The following ERBB2 variants were observed in gnomAD, a reference collection of about 807,000 sequenced individuals.
ERBB2 encodes receptor tyrosine-protein kinase erbB-2.
Under a neutral mutation model 149.0 loss-of-function variants are expected in ERBB2, and 61 were observed. That is an observed-to-expected ratio of 0.41 (90% confidence interval 0.33 to 0.51). The LOEUF (loss-of-function observed/expected upper bound fraction) is 0.51. ERBB2 is among the 20% of genes least tolerant of loss of function. The pLI, the probability that ERBB2 is intolerant of heterozygous loss-of-function variation, is 0.25. For missense variants in ERBB2, 1,205 were observed against 1,655.1 expected, an observed-to-expected ratio of 0.73 and a Z score of 4.72; for synonymous variants, 633 against 678.8, an observed-to-expected ratio of 0.93 and a Z score of 1.05.
chr17:39,694,484 A>G (rs952428610), upstream of ERBB2, among the ~76,000 whole-genome samples: 5 of 151,536 alleles, frequency 3.3e-5, no homozygotes, highest in African/African-American at 9.7e-5. Context: ...ATAGAGACTC[A>G]GACTAGCTGG....
upstream of ERBB2, among the ~76,000 whole-genome samples, chr17:39,696,331 G>A (rs2057863405): frequency 1.3e-5 from 2 of 152,068 alleles, no homozygotes; most frequent in Non-Finnish European, 2.9e-5. Flanking sequence ...CCCCACTCCA[G>A]CCCCCTCTCC....
upstream of ERBB2, among the ~76,000 whole-genome samples, chr17:39,696,242 C>T (rs1174640576): frequency 2.6e-5 from 4 of 152,088 alleles, no homozygotes; most frequent in Non-Finnish European, 5.9e-5. Flanking sequence ...TCTGAATGGG[C>T]TCATTCTTTT....
chr17:39,691,574 T>TATATATATATAC (rs1244087250), upstream of ERBB2, among the ~76,000 whole-genome samples: 2 of 122,048 alleles, frequency 1.6e-5, no homozygotes, highest in Admixed American at 8.2e-5. Flanking sequence ...TATATATATA[T>TATATATATATAC]ACACACACAC....
chr17:39,724,554 G>C (rs2059641344), intron 19 of ERBB2, among the ~76,000 whole-genome samples, 172 bp from the exon 20 acceptor site: 1 of 151,820 alleles, frequency 6.6e-6, no homozygotes, highest in African/African-American at 2.4e-5. Flanking sequence ...CACCGTGCCC[G>C]GCCTAATCTT....
chr17:39,725,582 C>A lies in ERBB2; in HGVS notation c.2726-125C>A. ...GGATTAGGGAAAGACCGGGTAGGGT[C>A]TGTCTCCTGGCATCACATCTCCCCC... On this transcript the variant is annotated intron_variant, in intron 22 of 26. Coordinates refer to ENST00000269571, the MANE Select transcript of ERBB2 (RefSeq NM_004448.4). The surrounding 1 kb of genome is among the most constrained non-coding windows in gnomAD (Gnocchi z 4.6). 1 of 1,253,986 alleles carries A rather than the reference C, an allele frequency of 8.0e-7. No individual in the cohort carries two copies. The highest frequency in any genetic ancestry group is 1.4e-5 in the South Asian group (1 of 70,612). The allele number at this position is 1,253,986 out of a possible 1,614,324, so 77.7% of individuals were successfully genotyped here.
At chr17:39,720,673 C>T (rs529328202) in intron 16 of ERBB2, among the ~76,000 whole-genome samples, 1 of 152,174 alleles carries the variant, frequency 6.6e-6, no homozygotes, top group African/African-American at 2.4e-5. Flanking sequence ...TTTTTTGAGA[C>T]GGAGTCTCAC....
At position 39,726,687 on chromosome 17, in the gene ERBB2, C is replaced by T. The variant is rs2059785243; in HGVS notation, c.2970+28C>T. The T allele has an allele frequency of 6.2e-7, 1 of 1,606,754 alleles. No homozygotes were observed. The highest frequency in any genetic ancestry group is 8.5e-7 in the Non-Finnish European group (1 of 1,173,226). On this transcript the variant is annotated intron_variant, in intron 24 of 26. Transcript: ENST00000269571. This position sits in a 1 kb window ranked among gnomAD's most constrained non-coding sequence, Gnocchi z 5.1. ...ACTGGGCCTCTGTGCCCCATCCCTG[C>T]CTGTGGCTAAGAGCACCCTCCTGCA...
At position 39,725,657 on chromosome 17, in the gene ERBB2, C is replaced by T. The variant is rs1238575435; in HGVS notation, c.2726-50C>T. The T allele has an allele frequency of 4.5e-6, 7 of 1,564,036 alleles. No individual in the cohort carries two copies. The highest frequency in any genetic ancestry group is 6.1e-6 in the Non-Finnish European group (7 of 1,153,778). The stretch of plus-strand genomic sequence containing the variant: ...CCTGAGCAGAACCTCTGGCTCAGTA[C>T]ACTAAAGCTCCCTCTGGCCCTCCCA... On this transcript the variant is annotated intron_variant, in intron 22 of 26. Coordinates refer to ENST00000269571, the MANE Select transcript of ERBB2 (RefSeq NM_004448.4). The surrounding 1 kb of genome is among the most constrained non-coding windows in gnomAD (Gnocchi z 4.6).
intron 19 of ERBB2, 50 bp from the exon 20 acceptor site, chr17:39,724,676 T>G (rs1199811834): frequency 1.3e-6 from 2 of 1,542,360 alleles, no homozygotes; most frequent in South Asian, 1.1e-5. Context: ...CTGTGTGGTG[T>G]TTGGGGGTGT....
In ERBB2 at chr17:39,710,113, G is replaced by A. The variant is rs2145502752; in HGVS notation, c.671G>A (p.Cys224Tyr). 6.2e-7 allele frequency: 1 copy of A among 1,609,896 alleles called. No individual in the cohort carries two copies. The highest frequency in any genetic ancestry group is 8.5e-7 in the Non-Finnish European group (1 of 1,179,384). The change falls in exon 6 of 27, where the codon TGT becomes TAT. Residue 224 changes from cysteine to tyrosine, a missense_variant. Around this residue, in one of 6 missense-constraint regions of ERBB2, gnomAD observed 569 missense variants for 803.5 expected, o/e 0.71. Transcript: ENST00000269571. ...SLTRTVCAGGCARCKGPLPTD... is the reference protein window; with the variant it reads ...SLTRTVCAGGYARCKGPLPTD... ...ACGCGCACTGTCTGTGCCGGTGGCT[G>A]TGCCCGCTGCAAGGGGCCACTGCCC...
chr17:39,724,272 A>ATTTTTTTTTTTTTTTTT lies in ERBB2; in HGVS notation c.2307+278_2307+279insTTTTTTTTTTTTTTTTT, dbSNP rs71149796. Among the ~76,000 whole-genome samples, 303 of 76,954 alleles carry ATTTTTTTTTTTTTTTTT rather than the reference A, an allele frequency of 3.9e-3. 51 individuals are homozygous for ATTTTTTTTTTTTTTTTT. The highest frequency in any genetic ancestry group is 0.011 in the African/African-American group (245 of 21,906). 50.5% of individuals were successfully genotyped at this position (76,954 alleles called of 152,430 possible). Reference sequence around the variant, plus strand: ...TAGCTGGGATTACAAGCGCCCGCTAATTTTTTTTTTTTTTTTGAGACAGAG... The same window carrying ATTTTTTTTTTTTTTTTT: ...TAGCTGGGATTACAAGCGCCCGCTAATTTTTTTTTTTTTTTTTTTTTTTTTTTTTTTTTGAGACAGAG... On this transcript the variant is annotated intron_variant, in intron 19 of 26. Coordinates refer to ENST00000269571, the MANE Select transcript of ERBB2 (RefSeq NM_004448.4).
chr17:39,689,830 A>G (rs2057652637), intron 2 of ERBB2, among the ~76,000 whole-genome samples: 1 of 151,226 alleles, frequency 6.6e-6, no homozygotes, highest in Non-Finnish European at 1.5e-5. Flanking sequence ...GCTTGAACCC[A>G]GGGAGGCAGA....
upstream of ERBB2, among the ~76,000 whole-genome samples, chr17:39,691,904 T>TAGATATAGATACATATAC (rs1386573320): frequency 1.8e-4 from 21 of 114,546 alleles, 1 homozygote; most frequent in African/African-American, 6.8e-4. Flanking sequence ...GATATAGATA[T>TAGATATAGATACATATAC]ATATACATAT....
In ERBB2 at chr17:39,710,441, C is replaced by T. The variant is rs1369877307; in HGVS notation, c.861C>T (p.Gly287=). The change falls in exon 7 of 27, where the codon GGC becomes GGT. Residue 287 remains glycine, a synonymous_variant. Transcript: ENST00000269571. The part of the protein sequence containing the change: ...DTFESMPNPE[G]RYTFGASCVT... Reference sequence around the variant, plus strand: ...TTGAGTCCATGCCCAATCCCGAGGGCCGGTATACATTCGGCGCCAGCTGTG... The same window carrying T: ...TTGAGTCCATGCCCAATCCCGAGGGTCGGTATACATTCGGCGCCAGCTGTG... 2.5e-6 allele frequency: 4 copies of T among 1,614,060 alleles called. No individual in the cohort carries two copies. Among genetic ancestry groups the T allele is most frequent in the Non-Finnish European group, 3.4e-6 (4 of 1,180,046 alleles).
chr17:39,724,963 C>G (rs2145857335), intron 20 of ERBB2, 52 bp downstream of exon 20: 1 of 1,606,530 alleles, frequency 6.2e-7, no homozygotes, highest in East Asian at 2.2e-5. Flanking sequence ...CCTATGTCCA[C>G]AAGGGGCTAG....
chr17:39,698,045 C>T (rs2057906845), upstream of ERBB2, among the ~76,000 whole-genome samples: 2 of 152,076 alleles, frequency 1.3e-5, no homozygotes, highest in South Asian at 4.1e-4. Context: ...AGCTTCAGGC[C>T]CCACAAAACC....
chr17:39,715,910 A>C lies in ERBB2; in HGVS notation c.1484A>C (p.His495Pro), dbSNP rs879357054. ...LFRNPHQALL[H>P]TANRPEDECV... ...CGGAACCCGCACCAAGCTCTGCTCC[A>C]CACTGCCAACCGGCCAGAGGACGAG... Residue 495 changes from histidine (H) to proline (P), a missense_variant, in exon 12 of 27, where the codon CAC (histidine) becomes CCC (proline). This residue lies in a region of ERBB2 where 569 missense variants were observed against 803.5 expected (regional missense o/e 0.71). Transcript: ENST00000269571. The C allele has an allele frequency of 1.9e-6, 3 of 1,611,552 alleles. No individual in the cohort carries two copies. The highest frequency in any genetic ancestry group is 1.7e-6 in the Non-Finnish European group (2 of 1,180,004).
At chr17:39,699,499 C>T (rs1163892745), upstream of ERBB2, 66 of 1,506,984 alleles carry the variant, frequency 4.4e-5, no homozygotes, top group Non-Finnish European at 5.3e-5. Context: ...ACTGTCTCCT[C>T]CCAAATTTGT....
chr17:39,699,655 T>A, upstream of ERBB2: 1 of 1,030,698 alleles, frequency 9.7e-7, no homozygotes, highest in Non-Finnish European at 1.5e-6. Flanking sequence ...AAACCATTAT[T>A]TGATATTAAA....
Sources: gnomAD v4.1 joint callset for allele counts (sites outside exome capture counted in the v4.1 genomes callset) on GRCh38, gnomAD v4.1.1 for gene constraint, gnomAD v4.1.1 regional missense constraint, Gnocchi (gnomAD v3.1) non-coding constraint, MANE v1.5 for transcripts, NCBI Gene and HGNC (gene_info 2026-07-23, HGNC 2026-07-21) for gene names.